Variants in USPL1 observed in about 807,000 individuals in gnomAD.
USPL1 encodes the protein ubiquitin specific peptidase like 1.
USPL1 carries 27 observed loss-of-function variants against 51.5 expected under a neutral mutation model. The observed-to-expected ratio is 0.52, with a 90% CI of 0.39 to 0.72. The LOEUF (loss-of-function observed/expected upper bound fraction) is 0.72. Ranked by LOEUF, USPL1 falls within the 30% of genes least tolerant of loss-of-function variation. USPL1 has a pLI of 0.00. For synonymous variants in USPL1, 451 were observed against 459.6 expected, an observed-to-expected ratio of 0.98 and a Z score of 0.24; for missense variants, 1,226 against 1,268.0, an observed-to-expected ratio of 0.97 and a Z score of 0.50.
chr13:30,642,164 A>G lies in USPL1; in HGVS notation c.983-464A>G, dbSNP rs75882391. On this transcript the variant is annotated intron_variant, in intron 5 of 8. Coordinates refer to ENST00000255304, the MANE Select transcript of USPL1 (RefSeq NM_005800.5). ...TCATAGAAACTGGTTTTAGGTTCCT[A>G]GAGGCTGGCAGCAATTCTCAGAGGT... Among the ~76,000 whole-genome samples, 1,161 of 152,276 alleles carry G rather than the reference A, an allele frequency of 7.6e-3. 18 individuals are homozygous for G. The highest frequency in any genetic ancestry group is 0.026 in the African/African-American group (1,096 of 41,568).
At chr13:30,630,185 G>T (rs1210419302) in intron 3 of USPL1, among the ~76,000 whole-genome samples, 2 of 151,994 alleles carry the variant, frequency 1.3e-5, no homozygotes, top group African/African-American at 4.8e-5. Flanking sequence ...AGTGTAGAGG[G>T]TTCTTGAATT....
intron 3 of USPL1, among the ~76,000 whole-genome samples, chr13:30,624,324 A>G (rs183480742): frequency 2.6e-5 from 4 of 152,274 alleles, no homozygotes; most frequent in South Asian, 2.1e-4. Flanking sequence ...AGAAAAAAAA[A>G]TCCTGACTGG....
chr13:30,643,335 G>A (rs1950973385), intron 6 of USPL1, among the ~76,000 whole-genome samples: 1 of 152,126 alleles, frequency 6.6e-6, no homozygotes, highest in South Asian at 2.1e-4. Context: ...TTCGTGTTTA[G>A]GCTCAGGTCC....
At chr13:30,656,062 C>T (rs1951159294) in intron 8 of USPL1, among the ~76,000 whole-genome samples, 1 of 152,116 alleles carries the variant, frequency 6.6e-6, no homozygotes, top group South Asian at 2.1e-4. Context: ...AAGGTTGTTA[C>T]TCATCCAAGC....
Position 30,642,686 on chromosome 13 carries a change from T to C in USPL1, c.1041T>C (p.Ile347=). The C allele has an allele frequency of 1.2e-6, 2 of 1,613,978 alleles. No homozygotes were observed. The highest frequency in any genetic ancestry group is 1.1e-5 in the South Asian group (1 of 91,078). Residue 347 remains isoleucine (I), a synonymous_variant, in exon 6 of 9, where the codon ATT becomes ATC. Coordinates refer to ENST00000255304, the MANE Select transcript of USPL1 (RefSeq NM_005800.5). ...TGCTCTTAAAACTAGAAACCCACAT[T>C]GAAAAGCTCTTCCTATATTCTTTTT... is the stretch of plus-strand genomic sequence containing the variant. ...FPLLLKLETH[I]EKLFLYSFSW...
intron 8 of USPL1, among the ~76,000 whole-genome samples, chr13:30,656,298 A>G (rs1243099930): frequency 1.3e-5 from 2 of 150,684 alleles, no homozygotes; most frequent in South Asian, 2.1e-4. Flanking sequence ...ATTGTGTGCA[A>G]CCACCATCAC....
At position 30,618,000 on chromosome 13, in the gene USPL1, A is replaced by T. The variant is rs975191757; in HGVS notation, c.-125A>T. On this transcript the variant is annotated 5_prime_UTR_variant, in exon 1 of 9. Coordinates refer to ENST00000255304, the MANE Select transcript of USPL1 (RefSeq NM_005800.5). Reference sequence around the variant, plus strand: ...GAACGTTGCAACTAGGGTGGAGATCAAGCTGGAACAGGAGTTCCGATCGAC... The same window carrying T: ...GAACGTTGCAACTAGGGTGGAGATCTAGCTGGAACAGGAGTTCCGATCGAC... The T allele has an allele frequency of 2.0e-5, 3 of 152,266 alleles. No homozygotes were observed. Among genetic ancestry groups the T allele is most frequent in the Non-Finnish European group, 2.9e-5 (2 of 68,088 alleles). The allele number at this position is 152,266 out of a possible 1,614,324, so 9.4% of individuals were successfully genotyped here. A position where few individuals can be genotyped will look rare whatever the true frequency, so the allele number is the denominator to read the frequency against.
chr13:30,627,916 C>T (rs545013683), intron 3 of USPL1, among the ~76,000 whole-genome samples: 32 of 151,948 alleles, frequency 2.1e-4, no homozygotes, highest in African/African-American at 5.8e-4. Flanking sequence ...GAGTCTCTGT[C>T]GCCCAGGCTG....
rs745808077 is a variant in USPL1, at chr13:30,631,409, G to A, written c.803G>A (p.Arg268Gln). 3.6e-5 allele frequency: 58 copies of A among 1,613,982 alleles called. No homozygotes were observed. The highest frequency in any genetic ancestry group is 1.0e-4 in the Admixed American group (6 of 59,992). Reference sequence around the variant, plus strand: ...TCGAAGGAGGAATCTATATTCTGGCGGTTGCTTACAAAATATAATCAAGCA... The same window carrying A: ...TCGAAGGAGGAATCTATATTCTGGCAGTTGCTTACAAAATATAATCAAGCA... Reference protein sequence around the residue: ...LCSKEESIFWRLLTKYNQANT... With the variant: ...LCSKEESIFWQLLTKYNQANT... Residue 268 changes from arginine to glutamine, a missense_variant, in exon 4 of 9, where the codon CGG (arginine) becomes CAG (glutamine). Transcript: ENST00000255304.
At position 30,646,334 on chromosome 13, in the gene USPL1, A is replaced by G. The variant is rs58115415; in HGVS notation, c.1113-598A>G. 2.9e-4 allele frequency among the ~76,000 whole-genome samples: 44 copies of G among 151,842 alleles called. No individual in the cohort carries two copies. The East Asian group carries it at 8.3e-3, about 29-fold the overall frequency. Reference sequence around the variant, plus strand: ...CCTGTGAAAACAAAATTTGTTCACAATTAATGCTGTGTGTGTGTGTGTTTT... The same window carrying G: ...CCTGTGAAAACAAAATTTGTTCACAGTTAATGCTGTGTGTGTGTGTGTTTT... On this transcript the variant is annotated intron_variant, in intron 6 of 8. Coordinates refer to ENST00000255304, the MANE Select transcript of USPL1 (RefSeq NM_005800.5).
Position 30,630,871 on chromosome 13 carries a change from C to G in USPL1, c.265C>G (p.Leu89Val), listed in dbSNP as rs1950794053. ...TTTGGGCTCTAAATCACTTAATAAC[C>G]TAATTTCTCCTGATTTGGAAGAATG... The part of the protein sequence containing the change: ...YPLGSKSLNN[L>V]ISPDLEECHT... The change falls in exon 4 of 9, where the codon CTA becomes GTA. Residue 89 changes from leucine to valine, a missense_variant. Physicochemically the swap from Leu to Val is conservative, Grantham distance 32. Coordinates refer to ENST00000255304, the MANE Select transcript of USPL1 (RefSeq NM_005800.5). 6.2e-7 allele frequency: 1 copy of G among 1,612,424 alleles called. No homozygotes were observed. Among genetic ancestry groups the G allele is most frequent in the Non-Finnish European group, 8.5e-7 (1 of 1,179,456 alleles).
chr13:30,633,426 A>T (rs1950833780), intron 4 of USPL1, among the ~76,000 whole-genome samples: 1 of 152,146 alleles, frequency 6.6e-6, no homozygotes, highest in Non-Finnish European at 1.5e-5. Context: ...CCCTGTATAT[A>T]CAATGTTTTT....
chr13:30,631,629 T>G (rs570674818), intron 4 of USPL1, among the ~76,000 whole-genome samples, 155 bp downstream of exon 4: 3 of 152,236 alleles, frequency 2.0e-5, no homozygotes, highest in Admixed American at 2.0e-4. Flanking sequence ...GTCTCCCAAG[T>G]AGCTGGAACT....
intron 7 of USPL1, among the ~76,000 whole-genome samples, chr13:30,649,662 A>G (rs1951062798): frequency 6.6e-6 from 1 of 152,226 alleles, no homozygotes; most frequent in African/African-American, 2.4e-5. Flanking sequence ...TCACTGCCAC[A>G]GTCTCTCTTG....
intron 4 of USPL1, among the ~76,000 whole-genome samples, chr13:30,633,784 CAAAAAAAAAA>C (rs61682331): frequency 2.9e-4 from 12 of 41,274 alleles, no homozygotes; most frequent in African/African-American, 9.9e-4. Flanking sequence ...GACTCTGTCT[CAAAAAAAAAA>C]AAAAAAAAAA....
At chr13:30,656,739 G>A (rs1461116027) in intron 8 of USPL1, among the ~76,000 whole-genome samples, 1 of 152,132 alleles carries the variant, frequency 6.6e-6, no homozygotes, top group Non-Finnish European at 1.5e-5. Context: ...TGGACGAACT[G>A]CCAGACTGTT....
intron 3 of USPL1, among the ~76,000 whole-genome samples, chr13:30,629,738 CAGA>C (rs1376342129): frequency 6.6e-6 from 1 of 152,104 alleles, no homozygotes; most frequent in African/African-American, 2.4e-5. Flanking sequence ...AGGAGTGTTC[CAGA>C]AGAAGGGCTT....
chr13:30,620,181 T>G (rs888410740), intron 1 of USPL1, among the ~76,000 whole-genome samples: 4 of 152,222 alleles, frequency 2.6e-5, no homozygotes, highest in Admixed American at 2.6e-4. Flanking sequence ...GATTTTAAAG[T>G]GAATTGTGAG....
chr13:30,631,272 C>T lies in USPL1; in HGVS notation c.666C>T (p.Pro222=), dbSNP rs371110713. Residue 222 remains proline (P), a synonymous_variant, in exon 4 of 9, where the codon CCC becomes CCT. Coordinates refer to ENST00000255304, the MANE Select transcript of USPL1 (RefSeq NM_005800.5). ...TGGAGAGCAAATGTACATCATTTCC[C>T]CAGGCTTTATGTGTCCAGTGGAAAA... The part of the protein sequence containing the change: ...MPLESKCTSF[P]QALCVQWKNA... 27 of 1,613,964 alleles carry T rather than the reference C, an allele frequency of 1.7e-5. No individual in the cohort carries two copies. Among genetic ancestry groups the T allele is most frequent in the Non-Finnish European group, 2.0e-5 (24 of 1,180,032 alleles).
Sources: gnomAD v4.1 joint callset for allele counts (sites outside exome capture counted in the v4.1 genomes callset) on GRCh38, gnomAD v4.1.1 for gene constraint, MANE v1.5 for transcripts, NCBI Gene and HGNC (gene_info 2026-07-23, HGNC 2026-07-21) for gene names.